The following ADAMTS3 variants were observed in gnomAD, a reference collection of about 807,000 sequenced individuals.
The protein encoded by ADAMTS3 is A disintegrin and metalloproteinase with thrombospondin motifs 3.
In ADAMTS3, 73 loss-of-function variants were observed where a neutral mutation model predicts 129.0. The observed-to-expected ratio is 0.57, with a 90% CI of 0.47 to 0.69. The LOEUF (loss-of-function observed/expected upper bound fraction) is 0.69. Among genes scored for constraint, ADAMTS3 ranks in the 30% least tolerant of loss-of-function variants. The probability of loss-of-function intolerance (pLI) is 0.00; values close to 1 mark genes in which losing one functional copy is unlikely to be tolerated. For synonymous variants in ADAMTS3, 477 were observed against 510.8 expected (o/e 0.93, Z 0.89); for missense variants, 1,457 against 1,514.5 (o/e 0.96, Z 0.63).
At chr4:72,412,181 T>TG (rs1193877121) in intron 4 of ADAMTS3, among the ~76,000 whole-genome samples, 3 of 152,080 alleles carry the variant, frequency 2.0e-5, no homozygotes, top group Non-Finnish European at 2.9e-5. Flanking sequence ...ATGGAGACCA[T>TG]GGTTCTCAAA....
At chr4:72,364,017 A>G (rs1720799123) in intron 4 of ADAMTS3, among the ~76,000 whole-genome samples, 1 of 152,196 alleles carries the variant, frequency 6.6e-6, no homozygotes, top group African/African-American at 2.4e-5. Flanking sequence ...GCTACCCTTT[A>G]ATATTTAAAA....
rs564707064 is a variant in ADAMTS3 at position 72,335,184 on chromosome 4, CTT to C, written c.861+4308_861+4309del. Among the ~76,000 whole-genome samples the C allele has an allele frequency of 6.6e-5, 10 of 152,246 alleles. No homozygotes were observed. In the East Asian group the frequency reaches 1.9e-3, roughly 29 times the overall value. ...TTTGAGTCTAGATTCAAAATAAAGA[CTT>C]AATGTTAACAGTGAAGGCTTATACT... On this transcript the variant is annotated intron_variant, in intron 5 of 21. Coordinates refer to ENST00000286657, the MANE Select transcript of ADAMTS3 (RefSeq NM_014243.3).
intron 3 of ADAMTS3, among the ~76,000 whole-genome samples, chr4:72,493,093 G>C (rs1188116616): frequency 1.3e-5 from 2 of 151,596 alleles, no homozygotes; most frequent in African/African-American, 4.8e-5. Context: ...TTCACTTTTA[G>C]CCTATGTGTC....
intron 3 of ADAMTS3, among the ~76,000 whole-genome samples, chr4:72,538,998 A>T (rs1721249966): frequency 6.6e-6 from 1 of 152,128 alleles, no homozygotes; most frequent in Non-Finnish European, 1.5e-5. Flanking sequence ...ACCTAACACC[A>T]TATACAAAAA....
intron 12 of ADAMTS3, among the ~76,000 whole-genome samples, chr4:72,313,048 G>A (rs1719284035): frequency 1.3e-5 from 2 of 152,128 alleles, no homozygotes. Flanking sequence ...TACAAAAGAC[G>A]TGCTCAGAGA....
At chr4:72,387,779 A>G (rs1247819168) in intron 4 of ADAMTS3, among the ~76,000 whole-genome samples, 1 of 152,168 alleles carries the variant, frequency 6.6e-6, no homozygotes, top group Non-Finnish European at 1.5e-5. Flanking sequence ...TCAAAAGATA[A>G]AGGGATCCAT....
At chr4:72,358,310 A>C (rs964150091) in intron 4 of ADAMTS3, among the ~76,000 whole-genome samples, 7 of 151,990 alleles carry the variant, frequency 4.6e-5, no homozygotes, top group African/African-American at 1.4e-4. Flanking sequence ...GAGAAAAAAA[A>C]CAAAAACTTT....
rs550722423 is a variant in ADAMTS3, at chr4:72,534,256, G to A, written c.504+14222C>T. 5.3e-5 allele frequency among the ~76,000 whole-genome samples: 8 copies of A among 152,154 alleles called. No homozygotes were observed. The East Asian group carries it at 1.2e-3, about 22-fold the overall frequency. On this transcript the variant is annotated intron_variant, in intron 3 of 21. Coordinates refer to ENST00000286657, the MANE Select transcript of ADAMTS3 (RefSeq NM_014243.3). ...GCAGGAGAATGGCGTGAACCCGGGTGGCGGAGTTTGCAGTGAGCTGAGATT... is the reference window on the plus strand; with the variant it reads ...GCAGGAGAATGGCGTGAACCCGGGTAGCGGAGTTTGCAGTGAGCTGAGATT...
rs779865496 is a variant in ADAMTS3, at chr4:72,339,651, C to T, written c.704G>A (p.Gly235Asp). 5.0e-6 allele frequency: 8 copies of T among 1,613,802 alleles called. No homozygotes were observed. The South Asian group carries it at 6.6e-5, about 13-fold the overall frequency. ...TTCATTCAGCTGCTGGTGGATGTTG[C>T]CATAAACAGTACCTAGATCATCAAG... The part of the protein sequence containing the change: ...EGLDDLGTVY[G>D]NIHQQLNETM... The change falls in exon 5 of 22, where the codon GGC (glycine) becomes GAC (aspartate). Residue 235 changes from glycine (G) to aspartate (D), a missense_variant. Coordinates refer to ENST00000286657, the MANE Select transcript of ADAMTS3 (RefSeq NM_014243.3).
At chr4:72,527,002 T>TA (rs1290521661) in intron 3 of ADAMTS3, among the ~76,000 whole-genome samples, 1 of 152,038 alleles carries the variant, frequency 6.6e-6, no homozygotes, top group African/African-American at 2.4e-5. Flanking sequence ...ATGATTCCTA[T>TA]AAAGGACAGA....
At chr4:72,445,807 T>G (rs926355219) in intron 3 of ADAMTS3, among the ~76,000 whole-genome samples, 4 of 151,732 alleles carry the variant, frequency 2.6e-5, no homozygotes, top group African/African-American at 9.7e-5. Flanking sequence ...TGGCAAATGC[T>G]TTTGCTTGTG....
intron 3 of ADAMTS3, among the ~76,000 whole-genome samples, chr4:72,422,372 T>A (rs901411886): frequency 3.4e-4 from 52 of 152,268 alleles, no homozygotes; most frequent in African/African-American, 1.1e-3. Context: ...GAGATTCTAA[T>A]CTCTGCAATG....
intron 10 of ADAMTS3, among the ~76,000 whole-genome samples, chr4:72,316,586 G>C (rs1217164155): frequency 6.6e-6 from 1 of 152,026 alleles, no homozygotes; most frequent in African/African-American, 2.4e-5. Context: ...TACTTGGGAG[G>C]CTGAGGCAGG....
At chr4:72,457,624 C>G (rs1423908437) in intron 3 of ADAMTS3, among the ~76,000 whole-genome samples, 1 of 151,610 alleles carries the variant, frequency 6.6e-6, no homozygotes, top group Non-Finnish European at 1.5e-5. Flanking sequence ...TTTGCCTGCT[C>G]TAACCCTAGC....
intron 2 of ADAMTS3, among the ~76,000 whole-genome samples, chr4:72,564,817 T>C (rs148852179): frequency 2.6e-5 from 4 of 152,320 alleles, no homozygotes; most frequent in African/African-American, 9.6e-5. Context: ...GGTTGAAGCA[T>C]ATAAGATATA....
At chr4:72,485,169 G>A (rs953292668) in intron 3 of ADAMTS3, among the ~76,000 whole-genome samples, 2 of 152,082 alleles carry the variant, frequency 1.3e-5, no homozygotes, top group African/African-American at 4.8e-5. Flanking sequence ...ACTAAAACAT[G>A]GAACAAGATC....
intron 4 of ADAMTS3, among the ~76,000 whole-genome samples, chr4:72,352,520 G>C (rs1276761261): frequency 1.3e-5 from 2 of 151,858 alleles, no homozygotes; most frequent in Non-Finnish European, 2.9e-5. Context: ...AACATTTCTT[G>C]AACACCTTTT....
intron 3 of ADAMTS3, among the ~76,000 whole-genome samples, chr4:72,530,401 G>GTT (rs1720978264): frequency 4.6e-5 from 3 of 65,792 alleles, no homozygotes; most frequent in African/African-American, 6.5e-5. Context: ...TAACATATAT[G>GTT]AATTTAATAT....
chr4:72,349,851 C>A (rs542420146), intron 4 of ADAMTS3, among the ~76,000 whole-genome samples: 1 of 151,820 alleles, frequency 6.6e-6, no homozygotes, highest in East Asian at 1.9e-4. Context: ...ATTGAAGAAG[C>A]GGTCATTCTA....
Sources: gnomAD v4.1 joint callset for allele counts (sites outside exome capture counted in the v4.1 genomes callset) on GRCh38, gnomAD v4.1.1 for gene constraint, MANE v1.5 for transcripts, NCBI Gene and HGNC (gene_info 2026-07-23, HGNC 2026-07-21) for gene names.